PIGK: variants seen among roughly 807,000 people sequenced by gnomAD.
The protein encoded by PIGK is GPI-anchor transamidase.
A neutral mutation model predicts 50.6 loss-of-function variants in PIGK; 42 were observed. The observed-to-expected ratio is 0.83, with a 90% confidence interval of 0.65 to 1.07. PIGK has a LOEUF of 1.07. Ranked by LOEUF, PIGK falls within the 50% of genes least tolerant of loss-of-function variation. PIGK has a pLI of 0.00. For synonymous variants in PIGK, 151 were observed against 156.0 expected, an observed-to-expected ratio of 0.97 and a Z score of 0.24; for missense variants, 448 against 488.7, an observed-to-expected ratio of 0.92 and a Z score of 0.78.
intron 3 of PIGK, among the ~76,000 whole-genome samples, chr1:77,201,282 G>C (rs1656158914): frequency 6.6e-6 from 1 of 152,110 alleles, no homozygotes; most frequent in Non-Finnish European, 1.5e-5. Context: ...AGTTAAAAGG[G>C]ACAAAAGACA....
chr1:77,157,680 C>G (rs1371672681), intron 8 of PIGK, among the ~76,000 whole-genome samples: 2 of 152,152 alleles, frequency 1.3e-5, no homozygotes, highest in African/African-American at 4.8e-5. Flanking sequence ...ATATAATCTT[C>G]AAAACGAAGT....
At chr1:77,218,478 T>C (rs1656636624) in intron 1 of PIGK, among the ~76,000 whole-genome samples, 1 of 152,196 alleles carries the variant, frequency 6.6e-6, no homozygotes, top group Non-Finnish European at 1.5e-5. Flanking sequence ...AGATTAAGAC[T>C]CTCAGGTTTC....
chr1:77,187,771 G>A (rs1655784618), intron 3 of PIGK, among the ~76,000 whole-genome samples: 1 of 152,180 alleles, frequency 6.6e-6, no homozygotes, highest in Non-Finnish European at 1.5e-5. Flanking sequence ...TGAAGGTGTG[G>A]GTCACCTGTT....
intron 10 of PIGK, among the ~76,000 whole-genome samples, chr1:77,111,619 A>G (rs1273821889): frequency 2.1e-4 from 23 of 110,214 alleles, no homozygotes; most frequent in Non-Finnish European, 3.5e-4. Context: ...GGGTGGAGGG[A>G]GGGGGGAGGG....
At chr1:77,149,786 G>A (rs917044638) in intron 9 of PIGK, among the ~76,000 whole-genome samples, 1 of 152,112 alleles carries the variant, frequency 6.6e-6, no homozygotes, top group Admixed American at 6.5e-5. Flanking sequence ...TGCTGCTGCA[G>A]ATTATACATT....
chr1:77,198,183 T>C (rs918870732), intron 3 of PIGK, among the ~76,000 whole-genome samples: 2 of 152,106 alleles, frequency 1.3e-5, no homozygotes, highest in Non-Finnish European at 2.9e-5. Flanking sequence ...TTTCAATGAA[T>C]TGCTTTCATT....
intron 10 of PIGK, among the ~76,000 whole-genome samples, chr1:77,114,132 T>C (rs1038272617): frequency 7.2e-5 from 11 of 152,168 alleles, no homozygotes; most frequent in African/African-American, 2.2e-4. Flanking sequence ...CAAAATTTTC[T>C]GGAAACAAAG....
Position 77,091,673 on chromosome 1 carries a change from G to T in PIGK, c.*701C>A, listed in dbSNP as rs1440772618. On this transcript the variant is annotated 3_prime_UTR_variant, in exon 11 of 11. Coordinates refer to ENST00000370812, the MANE Select transcript of PIGK (RefSeq NM_005482.3). ...ACAAACATATAAGGTCCTGGAGATT[G>T]TCAGTGCCATAGATTAAAAAACCAA... 1 of 152,156 alleles carries T rather than the reference G, an allele frequency of 6.6e-6. No homozygotes were observed. Among genetic ancestry groups the T allele is most frequent in the Admixed American group, 6.5e-5 (1 of 15,274 alleles). The allele number at this position is 152,156 out of a possible 1,614,324, so 9.4% of individuals were successfully genotyped here.
Position 77,161,905 on chromosome 1 carries a change from G to A in PIGK, c.585-194C>T, listed in dbSNP as rs113101318. On this transcript the variant is annotated intron_variant, in intron 6 of 10. Transcript: ENST00000370812. The stretch of plus-strand genomic sequence containing the variant: ...TAAATTTGTCCAAGGAAACCACAGC[G>A]AGTCTTATTGTGCCCAAGGTGGCTG... Among the ~76,000 whole-genome samples the A allele has an allele frequency of 2.1e-3, 319 of 152,258 alleles. 2 individuals are homozygous for A. Among genetic ancestry groups the A allele is most frequent in the African/African-American group, 6.5e-3 (269 of 41,560 alleles).
chr1:77,208,587 G>C (rs973522728), intron 2 of PIGK, among the ~76,000 whole-genome samples: 7 of 152,228 alleles, frequency 4.6e-5, no homozygotes, highest in African/African-American at 1.7e-4. Context: ...GGTAGATGAT[G>C]GCCTGGCTCC....
intron 9 of PIGK, among the ~76,000 whole-genome samples, chr1:77,130,301 A>C (rs1372379192): frequency 1.4e-5 from 1 of 72,634 alleles, no homozygotes; most frequent in Non-Finnish European, 2.4e-5. Context: ...CCTAAGCAAA[A>C]AAAAAAAAAA....
chr1:77,109,750 G>C (rs1329846707), intron 10 of PIGK, among the ~76,000 whole-genome samples: 7 of 152,150 alleles, frequency 4.6e-5, no homozygotes, highest in Non-Finnish European at 2.9e-5. Context: ...AGTGTTGGAA[G>C]TTCTGGCCAG....
chr1:77,118,128 T>C (rs761832498), intron 10 of PIGK, among the ~76,000 whole-genome samples: 61 of 152,374 alleles, frequency 4.0e-4, no homozygotes, highest in African/African-American at 8.2e-4. Context: ...TGTGAGTCTA[T>C]GTAAGTTCAT....
At chr1:77,113,535 G>T in intron 10 of PIGK, among the ~76,000 whole-genome samples, 1 of 151,888 alleles carries the variant, frequency 6.6e-6, no homozygotes, top group Non-Finnish European at 1.5e-5. Context: ...CACAACTTTG[G>T]ACATTCCACT....
intron 9 of PIGK, among the ~76,000 whole-genome samples, chr1:77,125,951 T>C (rs1300431457): frequency 6.6e-6 from 1 of 152,158 alleles, no homozygotes; most frequent in African/African-American, 2.4e-5. Context: ...TTGGAATATC[T>C]ATCTTCCCTT....
In PIGK at chr1:77,111,084, G is replaced by A. The variant is rs568243020; in HGVS notation, c.1071+11191C>T. ...ACCATCTCACACCAGTTAGAATGGC[G>A]ATCATTAAAAAGTCAGGAAACAACA... On this transcript the variant is annotated intron_variant, in intron 10 of 10. Coordinates refer to ENST00000370812, the MANE Select transcript of PIGK (RefSeq NM_005482.3). Among the ~76,000 whole-genome samples the A allele has an allele frequency of 1.1e-3, 172 of 152,040 alleles. 1 individual carries two copies. Among genetic ancestry groups the A allele is most frequent in the African/African-American group, 3.7e-3 (155 of 41,504 alleles).
intron 10 of PIGK, among the ~76,000 whole-genome samples, chr1:77,108,103 T>C (rs1206765034): frequency 6.6e-6 from 1 of 152,190 alleles, no homozygotes; most frequent in Non-Finnish European, 1.5e-5. Flanking sequence ...AAGGTTAATA[T>C]TGTTATGTGT....
At chr1:77,149,564 A>G (rs1355779631) in intron 9 of PIGK, among the ~76,000 whole-genome samples, 1 of 152,200 alleles carries the variant, frequency 6.6e-6, no homozygotes, top group Non-Finnish European at 1.5e-5. Flanking sequence ...AATAGTAAAT[A>G]TGTATATACC....
chr1:77,133,449 A>G (rs1654426312), intron 9 of PIGK, among the ~76,000 whole-genome samples: 1 of 152,100 alleles, frequency 6.6e-6, no homozygotes, highest in South Asian at 2.1e-4. Flanking sequence ...GTTTTTGTCT[A>G]CTACCTCCAA....
Sources: allele counts gnomAD v4.1 joint callset (sites outside exome capture counted in the v4.1 genomes callset), GRCh38; gene constraint gnomAD v4.1.1; transcripts MANE v1.5; gene names NCBI Gene and HGNC (gene_info 2026-07-23, HGNC 2026-07-21).